The following ZC2HC1B variants were observed in gnomAD, a reference collection of about 807,000 sequenced individuals.
ZC2HC1B encodes zinc finger C2HC domain-containing protein 1B.
In ZC2HC1B, 36 loss-of-function variants were observed where a neutral mutation model predicts 31.0. The observed-to-expected ratio is 1.16, with a 90% confidence interval of 0.89 to 1.54. The LOEUF (loss-of-function observed/expected upper bound fraction) is 1.54, where lower values mean the gene tolerates loss of function less well. Among genes scored for constraint, ZC2HC1B ranks in the 40% most tolerant of loss-of-function variants. The probability of loss-of-function intolerance (pLI) is 0.00; values close to 1 mark genes in which losing one functional copy is unlikely to be tolerated. For missense variants in ZC2HC1B, 260 were observed against 268.6 expected (o/e 0.97, Z 0.22); for synonymous variants, 73 against 88.0 (o/e 0.83, Z 0.95).
intron 6 of ZC2HC1B, among the ~76,000 whole-genome samples, chr6:143,906,336 C>T (rs759397059): frequency 2.6e-5 from 4 of 152,174 alleles, no homozygotes; most frequent in African/African-American, 9.6e-5. Context: ...TTTCATAATA[C>T]TCTCATGAAA....
chr6:143,901,721 C>G (rs758277903), intron 5 of ZC2HC1B, among the ~76,000 whole-genome samples: 1 of 152,140 alleles, frequency 6.6e-6, no homozygotes, highest in Non-Finnish European at 1.5e-5. Context: ...GTCTTGCACA[C>G]AGGGGCTCCT....
At position 143,886,919 on chromosome 6, in the gene ZC2HC1B, TAGAA is replaced by T; in HGVS notation, c.349+99_349+102del. On this transcript the variant is annotated intron_variant, in intron 4 of 7. Coordinates refer to ENST00000237275, the MANE Select transcript of ZC2HC1B (RefSeq NM_001013623.3). The surrounding 1 kb of genome is among the most constrained non-coding windows in gnomAD (Gnocchi z 4.2). ...TCTGAAATTGACAATAACAATTACATAGAAGTAATTTTATTAATTATATAAAAGT... is the reference window on the plus strand; with the variant it reads ...TCTGAAATTGACAATAACAATTACATGTAATTTTATTAATTATATAAAAGT... 2 of 1,111,722 alleles carry T rather than the reference TAGAA, an allele frequency of 1.8e-6. No individual in the cohort carries two copies. Among genetic ancestry groups the T allele is most frequent in the Non-Finnish European group, 2.4e-6 (2 of 842,658 alleles). The allele number at this position is 1,111,722 out of a possible 1,614,324, so 68.9% of individuals were successfully genotyped here. A position where few individuals can be genotyped will look rare whatever the true frequency, so the allele number is the denominator to read the frequency against.
intron 4 of ZC2HC1B, among the ~76,000 whole-genome samples, chr6:143,892,968 A>C (rs1777618390): frequency 6.6e-6 from 1 of 152,072 alleles, no homozygotes; most frequent in Non-Finnish European, 1.5e-5. Context: ...AAGACTTAAG[A>C]AAATGGATCT....
intron 6 of ZC2HC1B, among the ~76,000 whole-genome samples, chr6:143,925,979 T>C (rs906622300): frequency 1.3e-5 from 2 of 152,244 alleles, no homozygotes; most frequent in African/African-American, 4.8e-5. Context: ...CCCTTTTTGT[T>C]TGTGATTTTG....
In ZC2HC1B at chr6:143,895,527, G is replaced by A. The variant is rs952698011; in HGVS notation, c.350-3025G>A. ...ATAACATGGCCTAACATGCATGAAT[G>A]TGCCAGTAATTTCCCTTTTTTCCTC... On this transcript the variant is annotated intron_variant, in intron 4 of 7. Transcript: ENST00000237275. The surrounding 1 kb of genome is among the most constrained non-coding windows in gnomAD (Gnocchi z 4.8). 6.6e-6 allele frequency among the ~76,000 whole-genome samples: 1 copy of A among 152,168 alleles called. No homozygotes were observed. The highest frequency in any genetic ancestry group is 1.5e-5 in the Non-Finnish European group (1 of 68,030).
intron 5 of ZC2HC1B, among the ~76,000 whole-genome samples, chr6:143,901,645 G>A (rs976801531): frequency 6.6e-6 from 1 of 152,078 alleles, no homozygotes; most frequent in Admixed American, 6.5e-5. Context: ...TGTAAAATGG[G>A]GTTAATCATG....
rs1429412890 is a variant in ZC2HC1B at position 143,905,734 on chromosome 6, T to C, written c.598+2582T>C. ...ATTATGTTGAGGTAGTTTCCTTCTA[T>C]TCTTAGTTTGTTGAGTGTTTTTATC... On this transcript the variant is annotated intron_variant, in intron 6 of 7. Transcript: ENST00000237275. The surrounding 1 kb of genome is among the most constrained non-coding windows in gnomAD (Gnocchi z 4.2). Among the ~76,000 whole-genome samples, 1 of 152,198 alleles carries C rather than the reference T, an allele frequency of 6.6e-6. No homozygotes were observed. Among genetic ancestry groups the C allele is most frequent in the East Asian group, 1.9e-4 (1 of 5,204 alleles).
At chr6:143,931,006 C>T (rs1778112846) in intron 6 of ZC2HC1B, among the ~76,000 whole-genome samples, 1 of 152,078 alleles carries the variant, frequency 6.6e-6, no homozygotes, top group Admixed American at 6.5e-5. Context: ...CATCTCTTTT[C>T]TTAGGATTGT....
At chr6:143,904,148 A>C (rs1777767747) in intron 6 of ZC2HC1B, among the ~76,000 whole-genome samples, 1 of 152,204 alleles carries the variant, frequency 6.6e-6, no homozygotes, top group Non-Finnish European at 1.5e-5. Flanking sequence ...CTTTGAAAAA[A>C]TGTCTGCTCA....
Position 143,922,456 on chromosome 6 carries a change from A to AC in ZC2HC1B, c.599-15191dup, listed in dbSNP as rs1777994296. On this transcript the variant is annotated intron_variant, in intron 6 of 7. Coordinates refer to ENST00000237275, the MANE Select transcript of ZC2HC1B (RefSeq NM_001013623.3). The surrounding 1 kb of genome is among the most constrained non-coding windows in gnomAD (Gnocchi z 5.0). ...AACTGTATTTCGTACCTACTAACCA[A>AC]CCTCTCCACCAGCACCCTGCCACAC... Among the ~76,000 whole-genome samples the AC allele has an allele frequency of 6.6e-6, 1 of 151,966 alleles. No individual in the cohort carries two copies. Among genetic ancestry groups the AC allele is most frequent in the African/African-American group, 2.4e-5 (1 of 41,354 alleles).
intron 1 of ZC2HC1B, among the ~76,000 whole-genome samples, chr6:143,878,767 C>T (rs1284515642): frequency 6.6e-6 from 1 of 152,158 alleles, no homozygotes; most frequent in African/African-American, 2.4e-5. Context: ...CCCTAGGAGC[C>T]ACAGTTCAGT....
chr6:143,882,329 ATTTTT>A (rs1273840889), intron 1 of ZC2HC1B, among the ~76,000 whole-genome samples: 29 of 98,334 alleles, frequency 2.9e-4, no homozygotes, highest in African/African-American at 1.1e-3. Context: ...CATATTTTAT[ATTTTT>A]TATATATATA....
At chr6:143,902,694 GA>G (rs1377729735) in intron 5 of ZC2HC1B, among the ~76,000 whole-genome samples, 1 of 152,058 alleles carries the variant, frequency 6.6e-6, no homozygotes, top group Non-Finnish European at 1.5e-5. Context: ...CAAGTGTAAT[GA>G]AAAAAATAAA....
At chr6:143,919,385 T>C (rs936428054) in intron 6 of ZC2HC1B, among the ~76,000 whole-genome samples, 1 of 136,350 alleles carries the variant, frequency 7.3e-6, no homozygotes, top group Non-Finnish European at 1.6e-5. Context: ...TCCTCATATA[T>C]GTAGTTTTTT....
intron 5 of ZC2HC1B, among the ~76,000 whole-genome samples, chr6:143,902,574 G>C (rs1777749201): frequency 6.6e-6 from 1 of 152,120 alleles, no homozygotes; most frequent in Admixed American, 6.5e-5. Flanking sequence ...TGCTGCTGCT[G>C]CTCTGCAGGG....
intron 1 of ZC2HC1B, among the ~76,000 whole-genome samples, chr6:143,880,380 T>C (rs1030721499): frequency 2.0e-5 from 3 of 152,218 alleles, no homozygotes; most frequent in Non-Finnish European, 4.4e-5. Flanking sequence ...ATTTTTAAAA[T>C]AGTGATGCAT....
rs1277911623 is a variant in ZC2HC1B, at chr6:143,918,181, G to A, written c.598+15029G>A. ...TTAATTTCTTCTTCGCCTTTTTTTG[G>A]TAAGAGACAGGATCTTACTTGTTGC... On this transcript the variant is annotated intron_variant, in intron 6 of 7. Transcript: ENST00000237275. The surrounding 1 kb of genome is among the most constrained non-coding windows in gnomAD (Gnocchi z 4.1). Among the ~76,000 whole-genome samples, 3 of 149,346 alleles carry A rather than the reference G, an allele frequency of 2.0e-5. No homozygotes were observed. Among genetic ancestry groups the A allele is most frequent in the Non-Finnish European group, 4.5e-5 (3 of 67,326 alleles).
rs1264946216 is a variant in ZC2HC1B, at chr6:143,884,761, A to G, written c.90+396A>G. 6.6e-6 allele frequency among the ~76,000 whole-genome samples: 1 copy of G among 152,152 alleles called. No homozygotes were observed. The highest frequency in any genetic ancestry group is 2.4e-5 in the African/African-American group (1 of 41,420). On this transcript the variant is annotated intron_variant, in intron 2 of 7. Coordinates refer to ENST00000237275, the MANE Select transcript of ZC2HC1B (RefSeq NM_001013623.3). The surrounding 1 kb of genome is among the most constrained non-coding windows in gnomAD (Gnocchi z 5.1). The stretch of plus-strand genomic sequence containing the variant: ...TCTGGAAACCTGGCTTTTAGCCTCA[A>G]ATTTGTCACTAATCCTGACAAGTCC...
rs76123648 is a variant in ZC2HC1B, at chr6:143,928,460, T to C, written c.599-9189T>C. ...TATTTCTGGGTCTTCTATTCTGTTCTGTTGATCTATATGTCTATGTTTATA... is the reference window on the plus strand; with the variant it reads ...TATTTCTGGGTCTTCTATTCTGTTCCGTTGATCTATATGTCTATGTTTATA... On this transcript the variant is annotated intron_variant, in intron 6 of 7. Coordinates refer to ENST00000237275, the MANE Select transcript of ZC2HC1B (RefSeq NM_001013623.3). 6.3e-3 allele frequency among the ~76,000 whole-genome samples: 962 copies of C among 152,288 alleles called. 10 individuals carry two copies. The highest frequency in any genetic ancestry group is 0.022 in the African/African-American group (927 of 41,558).
Sources: allele counts gnomAD v4.1 joint callset (sites outside exome capture counted in the v4.1 genomes callset), GRCh38; gene constraint gnomAD v4.1.1; non-coding constraint Gnocchi (gnomAD v3.1); transcripts MANE v1.5; gene names NCBI Gene and HGNC (gene_info 2026-07-23, HGNC 2026-07-21).